Variants in NKAIN3 observed in about 807,000 individuals in gnomAD.
The protein encoded by NKAIN3 is sodium/potassium-transporting ATPase subunit beta-1-interacting protein 3.
NKAIN3 carries 25 observed loss-of-function variants against 30.2 expected under a neutral mutation model. That is an observed-to-expected ratio of 0.83 (90% CI 0.60 to 1.16). The LOEUF (loss-of-function observed/expected upper bound fraction) is 1.16, where lower values mean the gene tolerates loss of function less well. Among genes scored for constraint, NKAIN3 ranks in the 50% most tolerant of loss-of-function variants. The pLI, the probability that NKAIN3 is intolerant of heterozygous loss-of-function variation, is 0.00. For synonymous variants in NKAIN3, 91 were observed against 89.6 expected, an observed-to-expected ratio of 1.02 and a Z score of -0.09; for missense variants, 225 against 254.1, an observed-to-expected ratio of 0.89 and a Z score of 0.78.
chr8:62,597,595 T>A (rs1024575972), intron 3 of NKAIN3, among the ~76,000 whole-genome samples: 1 of 151,996 alleles, frequency 6.6e-6, no homozygotes, highest in Non-Finnish European at 1.5e-5. Context: ...TAGGTATTTT[T>A]TACCAATAAC....
chr8:62,639,635 G>T (rs970679596), intron 3 of NKAIN3, among the ~76,000 whole-genome samples: 32 of 152,184 alleles, frequency 2.1e-4, no homozygotes, highest in African/African-American at 7.5e-4. Flanking sequence ...AATTGACCTT[G>T]CAAAAGAGAG....
chr8:62,318,015 A>G (rs1433647402), intron 1 of NKAIN3, among the ~76,000 whole-genome samples: 2 of 152,090 alleles, frequency 1.3e-5, no homozygotes, highest in Admixed American at 6.5e-5. Flanking sequence ...TTGGATTCCT[A>G]GGTATTTTAT....
intron 1 of NKAIN3, among the ~76,000 whole-genome samples, chr8:62,273,164 G>T (rs1371465813): frequency 6.6e-6 from 1 of 152,156 alleles, no homozygotes; most frequent in Non-Finnish European, 1.5e-5. Context: ...TATACTTAAA[G>T]AAATATTAGA....
At chr8:62,956,572 G>A (rs1823424732) in intron 6 of NKAIN3, among the ~76,000 whole-genome samples, 1 of 152,154 alleles carries the variant, frequency 6.6e-6, no homozygotes, top group South Asian at 2.1e-4. Flanking sequence ...AATGTGTATA[G>A]GGGAAGTGGG....
intron 3 of NKAIN3, among the ~76,000 whole-genome samples, chr8:62,670,741 G>A (rs931044461): frequency 6.6e-6 from 1 of 152,062 alleles, no homozygotes; most frequent in Non-Finnish European, 1.5e-5. Flanking sequence ...TCTCTTCTGA[G>A]GCTTCAAAAA....
chr8:62,853,129 TG>T (rs1416836112), intron 4 of NKAIN3, among the ~76,000 whole-genome samples: 2 of 152,218 alleles, frequency 1.3e-5, no homozygotes, highest in African/African-American at 4.8e-5. Flanking sequence ...TTTATGAATC[TG>T]GGTGCTCCTG....
At chr8:62,894,225 C>G (rs72655040) in intron 4 of NKAIN3, among the ~76,000 whole-genome samples, 3,144 of 152,188 alleles carry the variant, frequency 0.021, 51 homozygotes, top group South Asian at 0.027. Context: ...TAGGGTTGAG[C>G]TGAATGTCAA....
At chr8:62,563,126 G>A (rs966161813) in intron 1 of NKAIN3, among the ~76,000 whole-genome samples, 2 of 152,114 alleles carry the variant, frequency 1.3e-5, no homozygotes, top group South Asian at 4.1e-4. Context: ...TCACTGTTCT[G>A]TAACAAATTG....
chr8:62,520,798 C>T (rs924128405), intron 1 of NKAIN3, among the ~76,000 whole-genome samples: 1 of 151,930 alleles, frequency 6.6e-6, no homozygotes, highest in Non-Finnish European at 1.5e-5. Flanking sequence ...TTTAGTGAGA[C>T]TGTACTGGAA....
chr8:62,954,231 AT>A (rs1183361649), intron 6 of NKAIN3, among the ~76,000 whole-genome samples: 3 of 152,280 alleles, frequency 2.0e-5, no homozygotes, highest in East Asian at 1.9e-4. Context: ...TGGTAACTAC[AT>A]TTTTTAATGA....
At chr8:62,744,601 T>A (rs779519127) in intron 3 of NKAIN3, among the ~76,000 whole-genome samples, 4 of 152,200 alleles carry the variant, frequency 2.6e-5, no homozygotes, top group Non-Finnish European at 2.9e-5. Context: ...AGATGAGAAA[T>A]AATGTATAGT....
chr8:62,466,382 T>C (rs1053763784), intron 1 of NKAIN3, among the ~76,000 whole-genome samples: 1 of 152,174 alleles, frequency 6.6e-6, no homozygotes, highest in African/African-American at 2.4e-5. Flanking sequence ...AAGATCAGTG[T>C]TTTCGTCTCT....
At chr8:62,728,560 AG>A (rs34432662) in intron 3 of NKAIN3, among the ~76,000 whole-genome samples, 121,420 of 152,002 alleles carry the variant, frequency 0.8, 49,100 homozygotes, top group Non-Finnish European at 0.87. Context: ...GCTACTCAGG[AG>A]GGCTGAGGCA....
At chr8:62,564,054 T>C (rs1034107398) in intron 1 of NKAIN3, among the ~76,000 whole-genome samples, 4 of 152,212 alleles carry the variant, frequency 2.6e-5, no homozygotes, top group African/African-American at 9.6e-5. Context: ...AGACCTTCCA[T>C]AGGGATTCAA....
chr8:62,528,143 C>T (rs11786601), intron 1 of NKAIN3, among the ~76,000 whole-genome samples: 55,105 of 149,862 alleles, frequency 0.37, 11,876 homozygotes, highest in Non-Finnish European at 0.49. Context: ...CATGGGTGGC[C>T]CCCAATTCAT....
chr8:62,604,958 G>A (rs1037727782), intron 3 of NKAIN3, among the ~76,000 whole-genome samples: 22 of 151,980 alleles, frequency 1.4e-4, no homozygotes, highest in African/African-American at 5.1e-4. Context: ...TCCTGCTCTC[G>A]TCACAGGTGG....
At chr8:62,254,808 A>T (rs1812214990) in intron 1 of NKAIN3, among the ~76,000 whole-genome samples, 1 of 152,254 alleles carries the variant, frequency 6.6e-6, no homozygotes, top group Non-Finnish European at 1.5e-5. Flanking sequence ...AATAAGAATT[A>T]ATTAACAAAT....
intron 1 of NKAIN3, among the ~76,000 whole-genome samples, chr8:62,360,062 A>C (rs921301277): frequency 6.6e-6 from 1 of 152,142 alleles, no homozygotes; most frequent in African/African-American, 2.4e-5. Flanking sequence ...CTCTCTCCAA[A>C]TGCTCTTGTC....
chr8:62,295,208 A>G (rs376719689), intron 1 of NKAIN3, among the ~76,000 whole-genome samples: 26 of 152,276 alleles, frequency 1.7e-4, no homozygotes, highest in Middle Eastern at 3.4e-3. Context: ...CAACATGTGG[A>G]TATAAGGGAA....
Sources: allele counts gnomAD v4.1 joint callset (sites outside exome capture counted in the v4.1 genomes callset), GRCh38; gene constraint gnomAD v4.1.1; transcripts MANE v1.5; gene names NCBI Gene and HGNC (gene_info 2026-07-23, HGNC 2026-07-21).